Variants in ADGRA3 observed in about 807,000 individuals in gnomAD.
ADGRA3 encodes the protein G-protein coupled receptor 125.
Under a neutral mutation model 119.8 loss-of-function variants are expected in ADGRA3, and 56 were observed. The observed-to-expected ratio is 0.47, with a 90% CI of 0.38 to 0.58. The LOEUF is 0.58. Among genes scored for constraint, ADGRA3 ranks in the 20% least tolerant of loss-of-function variants. ADGRA3 has a pLI of 0.00. For synonymous variants in ADGRA3, 607 were observed against 623.8 expected (o/e 0.97, Z 0.40); for missense variants, 1,516 against 1,649.0 (o/e 0.92, Z 1.40).
chr4:22,413,153 T>A, intron 14 of ADGRA3, 29 bp downstream of exon 14: 1 of 1,503,310 alleles, frequency 6.7e-7, no homozygotes. Flanking sequence ...TAGAATAGTG[T>A]TTATGCATAA....
intron 14 of ADGRA3, among the ~76,000 whole-genome samples, chr4:22,405,560 A>T (rs1240460784): frequency 1.3e-5 from 2 of 151,582 alleles, no homozygotes; most frequent in Non-Finnish European, 2.9e-5. Context: ...AAAAAAAAAA[A>T]AAATTAAATT....
intron 1 of ADGRA3, among the ~76,000 whole-genome samples, chr4:22,493,411 T>C (rs1029713036): frequency 6.6e-6 from 1 of 152,230 alleles, no homozygotes; most frequent in Non-Finnish European, 1.5e-5. Context: ...CAAGTGTATC[T>C]TGAGTGTGTC....
chr4:22,479,662 T>G (rs531307974), intron 1 of ADGRA3, among the ~76,000 whole-genome samples: 1 of 152,156 alleles, frequency 6.6e-6, no homozygotes, highest in South Asian at 2.1e-4. Context: ...ACCCAAAGAA[T>G]TATAAATCAT....
At chr4:22,421,872 C>A (rs1410963527) in intron 11 of ADGRA3, among the ~76,000 whole-genome samples, 1 of 92,482 alleles carries the variant, frequency 1.1e-5, no homozygotes, top group African/African-American at 4.6e-5. Context: ...CAGAGCAAGA[C>A]TCAGTCTCCA....
chr4:22,510,024 A>AG (rs1306199125), intron 1 of ADGRA3, among the ~76,000 whole-genome samples: 39 of 151,560 alleles, frequency 2.6e-4, no homozygotes, highest in African/African-American at 8.0e-4. Context: ...AAAAAAAAAA[A>AG]AAAAGAAATG....
intron 2 of ADGRA3, among the ~76,000 whole-genome samples, chr4:22,463,405 C>T (rs1717542500): frequency 6.6e-6 from 1 of 152,192 alleles, no homozygotes; most frequent in African/African-American, 2.4e-5. Flanking sequence ...CTGTGCTAGG[C>T]TCTTTAATAA....
intron 10 of ADGRA3, among the ~76,000 whole-genome samples, chr4:22,428,762 T>C (rs1235336473): frequency 6.6e-6 from 1 of 152,212 alleles, no homozygotes; most frequent in Non-Finnish European, 1.5e-5. Context: ...TTGTCACTCT[T>C]AACTCACATC....
At chr4:22,410,573 T>C (rs1026360763) in intron 14 of ADGRA3, among the ~76,000 whole-genome samples, 1 of 152,186 alleles carries the variant, frequency 6.6e-6, no homozygotes, top group African/African-American at 2.4e-5. Context: ...AGACTTACTA[T>C]ATAAAAGGAT....
chr4:22,421,957 C>T (rs1005422169), intron 11 of ADGRA3, among the ~76,000 whole-genome samples: 3 of 140,316 alleles, frequency 2.1e-5, no homozygotes, highest in African/African-American at 8.3e-5. Flanking sequence ...TCAGAAAAAT[C>T]ATCTGAAAAA....
At chr4:22,442,146 A>G (rs1302762209) in intron 7 of ADGRA3, among the ~76,000 whole-genome samples, 2 of 152,150 alleles carry the variant, frequency 1.3e-5, no homozygotes, top group Non-Finnish European at 2.9e-5. Flanking sequence ...ATATATTCTT[A>G]GTCTATTATA....
At chr4:22,399,137 A>C (rs1196281170) in intron 16 of ADGRA3, among the ~76,000 whole-genome samples, 1 of 152,120 alleles carries the variant, frequency 6.6e-6, no homozygotes, top group African/African-American at 2.4e-5. Context: ...TTCTGCACAC[A>C]TGTGCTGAAC....
chr4:22,483,676 T>C (rs1382651739), intron 1 of ADGRA3, among the ~76,000 whole-genome samples: 3 of 152,236 alleles, frequency 2.0e-5, no homozygotes, highest in Non-Finnish European at 2.9e-5. Context: ...TTGTCATTGT[T>C]GGCACACACA....
At chr4:22,448,515 G>A (rs1716909489) in intron 4 of ADGRA3, among the ~76,000 whole-genome samples, 1 of 152,184 alleles carries the variant, frequency 6.6e-6, no homozygotes, top group Non-Finnish European at 1.5e-5. Context: ...CTGCAACTTA[G>A]TCCTGCAACT....
At chr4:22,491,215 C>G (rs940382121) in intron 1 of ADGRA3, among the ~76,000 whole-genome samples, 1 of 152,104 alleles carries the variant, frequency 6.6e-6, no homozygotes, top group Admixed American at 6.5e-5. Flanking sequence ...TTAAAATTCA[C>G]GAGAAGAGTA....
intron 1 of ADGRA3, among the ~76,000 whole-genome samples, chr4:22,511,895 C>CTTTTTTTTTTTTTTTTTTTTT (rs5856700): frequency 9.7e-6 from 1 of 102,614 alleles, no homozygotes; most frequent in Non-Finnish European, 1.8e-5. Flanking sequence ...TTCTTTCTTT[C>CTTTTTTTTTTTTTTTTTTTTT]TTTTTTTTTT....
At chr4:22,449,778 C>T (rs1478971760) in intron 4 of ADGRA3, among the ~76,000 whole-genome samples, 2 of 150,438 alleles carry the variant, frequency 1.3e-5, no homozygotes, top group South Asian at 2.1e-4. Flanking sequence ...TAAGGCTAAG[C>T]GGAGGTGACA....
At chr4:22,458,293 C>A (rs144658130) in intron 3 of ADGRA3, among the ~76,000 whole-genome samples, 1 of 152,262 alleles carries the variant, frequency 6.6e-6, no homozygotes, top group Non-Finnish European at 1.5e-5. Context: ...ATCATGCTCA[C>A]CTGCTGCTGC....
At chr4:22,418,127 G>GAA (rs1715501066) in intron 12 of ADGRA3, among the ~76,000 whole-genome samples, 1 of 152,158 alleles carries the variant, frequency 6.6e-6, no homozygotes, top group African/African-American at 2.4e-5. Flanking sequence ...ACAGTGAAAG[G>GAA]AAACATTTCA....
chr4:22,390,787 A>G (rs899870259), intron 17 of ADGRA3, among the ~76,000 whole-genome samples: 9 of 152,080 alleles, frequency 5.9e-5, no homozygotes, highest in African/African-American at 2.2e-4. Flanking sequence ...GACTGCAGAG[A>G]GTTTGAAGCA....
Sources: gnomAD v4.1 joint callset for allele counts (sites outside exome capture counted in the v4.1 genomes callset) on GRCh38, gnomAD v4.1.1 for gene constraint, MANE v1.5 for transcripts, NCBI Gene and HGNC (gene_info 2026-07-23, HGNC 2026-07-21) for gene names.